NFIB: variants seen among roughly 807,000 people sequenced by gnomAD.
NFIB encodes the protein nuclear factor I B.
Under a neutral mutation model 61.5 loss-of-function variants are expected in NFIB, and 11 were observed. The ratio of observed to expected loss-of-function variants is 0.18; its 90% CI spans 0.11 to 0.30. The LOEUF (loss-of-function observed/expected upper bound fraction) is 0.30. NFIB is among the 10% of genes least tolerant of loss of function. NFIB has a pLI of 1.00. For synonymous variants in NFIB, 260 were observed against 216.5 expected, an observed-to-expected ratio of 1.20 and a Z score of -1.76; for missense variants, 471 against 608.9, an observed-to-expected ratio of 0.77 and a Z score of 2.38.
chr9:14,379,882 C>T (rs2061465690), intron 1 of NFIB, among the ~76,000 whole-genome samples: 1 of 151,958 alleles, frequency 6.6e-6, no homozygotes, highest in Non-Finnish European at 1.5e-5. Context: ...GGGGTTTCAC[C>T]ATGTTGGCCA....
chr9:14,224,126 A>G (rs997182436), intron 2 of NFIB, among the ~76,000 whole-genome samples: 1 of 152,244 alleles, frequency 6.6e-6, no homozygotes, highest in African/African-American at 2.4e-5. Flanking sequence ...TGCCTGAACA[A>G]TTAACAGCTT....
the NFIB span, among the ~76,000 whole-genome samples, chr9:14,449,048 A>G: frequency 3.3e-4 from 50 of 152,348 alleles, no homozygotes; most frequent in Non-Finnish European, 5.1e-4. Context: ...GAAGGTTACC[A>G]TGAAACTTTA....
chr9:14,095,053 A>G (rs1322521007), intron 10 of NFIB, among the ~76,000 whole-genome samples: 3 of 152,154 alleles, frequency 2.0e-5, no homozygotes, highest in Non-Finnish European at 2.9e-5. Context: ...GCCACTAAAT[A>G]TTAAATGTGT....
intron 2 of NFIB, chr9:14,204,194 C>T (rs2049367319): frequency 1.9e-6 from 1 of 537,898 alleles, no homozygotes; most frequent in Non-Finnish European, 3.3e-6. Context: ...TTCTATGGCA[C>T]AGGCCTCAAA....
At chr9:14,275,696 G>A (rs896688577) in intron 2 of NFIB, among the ~76,000 whole-genome samples, 6 of 152,226 alleles carry the variant, frequency 3.9e-5, no homozygotes, top group Non-Finnish European at 8.8e-5. Flanking sequence ...AGAAACTGAT[G>A]TAAAACTAAG....
intron 2 of NFIB, among the ~76,000 whole-genome samples, chr9:14,297,995 A>G (rs2059541819): frequency 6.6e-6 from 1 of 152,176 alleles, no homozygotes. Flanking sequence ...AACAATTTTT[A>G]TATTCATTAA....
intron 1 of NFIB, among the ~76,000 whole-genome samples, chr9:14,376,286 C>T (rs984386434): frequency 2.3e-4 from 35 of 150,502 alleles, no homozygotes; most frequent in Non-Finnish European, 3.2e-4. Context: ...ACTGTTGGAG[C>T]TTACAATCAT....
At chr9:14,339,185 T>C (rs1032467345) in intron 1 of NFIB, among the ~76,000 whole-genome samples, 9 of 152,216 alleles carry the variant, frequency 5.9e-5, no homozygotes, top group Non-Finnish European at 1.0e-4. Context: ...ATCATGATTT[T>C]AGGGACAAAA....
chr9:14,401,441 G>A (rs576345272), upstream of NFIB, among the ~76,000 whole-genome samples: 3 of 152,254 alleles, frequency 2.0e-5, no homozygotes, highest in South Asian at 6.2e-4. Context: ...GGAAATACCA[G>A]TTCACCATCG....
At chr9:14,229,682 T>G (rs781098060) in intron 2 of NFIB, among the ~76,000 whole-genome samples, 6 of 152,178 alleles carry the variant, frequency 3.9e-5, no homozygotes, top group Non-Finnish European at 7.3e-5. Flanking sequence ...CCTCATCATT[T>G]GCACTCCTCT....
At chr9:14,306,858 C>T (rs954891460) in intron 2 of NFIB, 131 bp downstream of exon 2, 5 of 1,107,778 alleles carry the variant, frequency 4.5e-6, no homozygotes, top group East Asian at 2.4e-5. Flanking sequence ...AAGCGGACAC[C>T]CTACTATACC....
chr9:14,465,631 G>A, the NFIB span, among the ~76,000 whole-genome samples: 3 of 150,602 alleles, frequency 2.0e-5, no homozygotes, highest in Admixed American at 6.6e-5. Context: ...GCAGCTATGG[G>A]CCCTTCTTGG....
Position 14,313,913 on chromosome 9 carries a change from T to C in NFIB, c.-402A>G. 1 of 1,001,898 alleles carries C rather than the reference T, an allele frequency of 1.0e-6. No individual in the cohort carries two copies. The highest frequency in any genetic ancestry group is 1.2e-6 in the Non-Finnish European group (1 of 849,986). The allele number at this position is 1,001,898 out of a possible 1,614,324, so 62.1% of individuals were successfully genotyped here. A position where few individuals can be genotyped will look rare whatever the true frequency, so the allele number is the denominator to read the frequency against. On this transcript the variant is annotated 5_prime_UTR_variant, in exon 1 of 11. Transcript: ENST00000380953. The surrounding 1 kb of genome is among the most constrained non-coding windows in gnomAD (Gnocchi z 4.5). ...TTCGGTGTGGGTTGGATTGGGGTGGTGGTTGGTGGTAAAATGCTTTTTCAA... is the reference window on the plus strand; with the variant it reads ...TTCGGTGTGGGTTGGATTGGGGTGGCGGTTGGTGGTAAAATGCTTTTTCAA...
At chr9:14,102,648 A>G (rs1008104838) in intron 10 of NFIB, 11 of 597,806 alleles carry the variant, frequency 1.8e-5, no homozygotes, top group Non-Finnish European at 2.6e-5. Flanking sequence ...AAAAAAAAAA[A>G]GCAAAAAAAA....
chr9:14,202,133 C>T (rs937633612), intron 2 of NFIB, among the ~76,000 whole-genome samples: 7 of 141,658 alleles, frequency 4.9e-5, no homozygotes, highest in Non-Finnish European at 9.1e-5. Flanking sequence ...ACTTTTCACA[C>T]ACACACACAC....
the NFIB span, among the ~76,000 whole-genome samples, chr9:14,489,366 C>T: frequency 6.6e-6 from 1 of 152,142 alleles, no homozygotes; most frequent in South Asian, 2.1e-4. Context: ...TTTTTCTTCT[C>T]TTGGAAACTT....
chr9:14,122,555 CTTTA>C (rs1363859532), intron 7 of NFIB, among the ~76,000 whole-genome samples: 6 of 152,166 alleles, frequency 3.9e-5, no homozygotes, highest in Non-Finnish European at 7.4e-5. Context: ...TGAAGTATTA[CTTTA>C]TTTAAGAAGT....
chr9:14,343,459 G>A (rs867220958), intron 1 of NFIB, among the ~76,000 whole-genome samples: 2 of 152,066 alleles, frequency 1.3e-5, no homozygotes, highest in Non-Finnish European at 2.9e-5. Context: ...AGACACAGAT[G>A]CTTCAGAAGG....
chr9:14,240,331 T>C (rs2054226818), intron 2 of NFIB, among the ~76,000 whole-genome samples: 1 of 152,136 alleles, frequency 6.6e-6, no homozygotes, highest in African/African-American at 2.4e-5. Flanking sequence ...ATCTTTATAC[T>C]CCAATTTCCT....
Sources: allele counts gnomAD v4.1 joint callset (sites outside exome capture counted in the v4.1 genomes callset), GRCh38; gene constraint gnomAD v4.1.1; non-coding constraint Gnocchi (gnomAD v3.1); transcripts MANE v1.5; gene names NCBI Gene and HGNC (gene_info 2026-07-23, HGNC 2026-07-21).